SREBF2: variants seen among roughly 807,000 people sequenced by gnomAD.
SREBF2 encodes sterol regulatory element-binding protein 2.
In SREBF2, 55 loss-of-function variants were observed where a neutral mutation model predicts 113.1. That is an observed-to-expected ratio of 0.49 (90% CI 0.39 to 0.61). The LOEUF (loss-of-function observed/expected upper bound fraction) is 0.61. SREBF2 is among the 20% of genes least tolerant of loss of function. The probability of loss-of-function intolerance (pLI) is 0.00; values close to 1 mark genes in which losing one functional copy is unlikely to be tolerated. For missense variants in SREBF2, 1,349 were observed against 1,487.4 expected (o/e 0.91, Z 1.53); for synonymous variants, 593 against 605.7 (o/e 0.98, Z 0.31).
At chr22:41,883,001 A>G (rs1167439792) in intron 10 of SREBF2, among the ~76,000 whole-genome samples, 1 of 152,120 alleles carries the variant, frequency 6.6e-6, no homozygotes, top group Non-Finnish European at 1.5e-5. Flanking sequence ...CAGCTACTTG[A>G]GAGGCCAAGG....
intron 15 of SREBF2, chr22:41,899,606 C>G: frequency 1.0e-6 from 1 of 986,562 alleles, no homozygotes; most frequent in Non-Finnish European, 1.2e-6. Context: ...ATGTGACACC[C>G]TAATTTCATT....
In SREBF2 at chr22:41,877,415, G is replaced by C. The variant is rs755036026; in HGVS notation, c.1573G>C (p.Glu525Gln). The C allele has an allele frequency of 6.2e-7, 1 of 1,614,148 alleles. No homozygotes were observed. Among genetic ancestry groups the C allele is most frequent in the Admixed American group, 1.7e-5 (1 of 60,008 alleles). ...SGSGRSVLSF[E>Q]SGSGGWFDWM... ...CTCTGGCCGCAGTGTCCTGTCATTC[G>C]AGTCAGGTAGGTGGAGGCCCCTTGC... The change falls in exon 8 of 19, where the codon GAG (glutamate) becomes CAG (glutamine). Residue 525 changes from glutamate (E) to glutamine (Q), a missense_variant. By Grantham distance (29) the Glu-to-Gln change is conservative. Transcript: ENST00000361204.
chr22:41,885,648 G>T, intron 11 of SREBF2: 3 of 160,946 alleles, frequency 1.9e-5, no homozygotes, highest in South Asian at 1.7e-4. Context: ...CCCGGTCCTT[G>T]TTATCAGCTA....
chr22:41,900,811 C>G lies in SREBF2; in HGVS notation c.2907+313C>G, dbSNP rs1051470914. 1.1e-5 allele frequency: 6 copies of G among 525,378 alleles called. No individual in the cohort carries two copies. In the East Asian group the frequency reaches 2.3e-4, roughly 20 times the overall value. 32.5% of individuals were successfully genotyped at this position (525,378 alleles called of 1,614,324 possible). On this transcript the variant is annotated intron_variant, in intron 16 of 18. Transcript: ENST00000361204. Reference sequence around the variant, plus strand: ...GGCCAGGGGTTCACCTGCATTTGCTCCAGCGGTTTGCGTGACTTCCCAGGC... The same window carrying G: ...GGCCAGGGGTTCACCTGCATTTGCTGCAGCGGTTTGCGTGACTTCCCAGGC...
chr22:41,894,735 G>A (rs1031446090), intron 12 of SREBF2, 85 bp from the exon 13 acceptor site: 83 of 1,128,860 alleles, frequency 7.4e-5, no homozygotes, highest in Non-Finnish European at 1.1e-4. Context: ...ACAAGGCATG[G>A]CTGTGTTTGG....
At chr22:41,894,986 C>T in intron 13 of SREBF2, 49 bp downstream of exon 13, 1 of 1,492,570 alleles carries the variant, frequency 6.7e-7, no homozygotes, top group Non-Finnish European at 9.3e-7. Flanking sequence ...TCCACGCAGG[C>T]AACTCCAGGA....
At chr22:41,836,778 G>A (rs1295059162) in intron 1 of SREBF2, among the ~76,000 whole-genome samples, 1 of 152,206 alleles carries the variant, frequency 6.6e-6, no homozygotes, top group Non-Finnish European at 1.5e-5. Flanking sequence ...CCGGTCAGGT[G>A]AGGAAGGGGA....
chr22:41,899,236 G>T (rs928577312), intron 15 of SREBF2: 2 of 1,079,550 alleles, frequency 1.9e-6, no homozygotes, highest in Non-Finnish European at 2.3e-6. Context: ...TTTCCTTCCA[G>T]CCACCTCCAC....
In SREBF2 at chr22:41,870,923, C is replaced by A; in HGVS notation, c.755C>A (p.Ser252Tyr). ...LVQPQIIKTDSLVLTTLKTDG... is the reference protein window; with the variant it reads ...LVQPQIIKTDYLVLTTLKTDG... ...CAGCCTCAGATCATCAAGACAGATTCCCTTGTTTTGACCACACTGAAGACA... is the reference window on the plus strand; with the variant it reads ...CAGCCTCAGATCATCAAGACAGATTACCTTGTTTTGACCACACTGAAGACA... Residue 252 changes from serine (S) to tyrosine (Y), a missense_variant, in exon 4 of 19, where the codon TCC becomes TAC. Physicochemically the swap from Ser to Tyr is moderately radical, Grantham distance 144. Around this residue, in one of 2 missense-constraint regions of SREBF2, gnomAD observed 699 missense variants for 843.3 expected, o/e 0.83. Coordinates refer to ENST00000361204, the MANE Select transcript of SREBF2 (RefSeq NM_004599.4). The A allele has an allele frequency of 6.2e-7, 1 of 1,614,106 alleles. No individual in the cohort carries two copies. The highest frequency in any genetic ancestry group is 8.5e-7 in the Non-Finnish European group (1 of 1,180,026).
At chr22:41,900,904 G>A in intron 16 of SREBF2, 1 of 531,548 alleles carries the variant, frequency 1.9e-6, no homozygotes, top group Non-Finnish European at 3.8e-6. Flanking sequence ...AGACCACCCT[G>A]GGCACCTCCT....
intron 1 of SREBF2, among the ~76,000 whole-genome samples, chr22:41,858,940 G>T (rs924030659): frequency 1.3e-5 from 2 of 151,974 alleles, no homozygotes; most frequent in African/African-American, 4.8e-5. Flanking sequence ...TCAGGGGTTC[G>T]AGACCAGCCT....
chr22:41,867,532 C>T (rs973516947), intron 2 of SREBF2, among the ~76,000 whole-genome samples: 19 of 152,004 alleles, frequency 1.2e-4, no homozygotes, highest in Non-Finnish European at 2.6e-4. Context: ...AGCGGCCGGG[C>T]GCGGTGGCTC....
intron 12 of SREBF2, 41 bp from the exon 13 acceptor site, chr22:41,894,779 A>C: frequency 6.4e-7 from 1 of 1,560,546 alleles, no homozygotes; most frequent in South Asian, 1.1e-5. Context: ...TGGGCTCATA[A>C]ATGAGCTCCA....
intron 14 of SREBF2, among the ~76,000 whole-genome samples, chr22:41,898,271 G>GC (rs542096200): frequency 9.2e-5 from 14 of 152,150 alleles, no homozygotes; most frequent in Admixed American, 9.2e-4. Flanking sequence ...CCGCCACCAT[G>GC]CCCAGCTAAT....
chr22:41,880,971 C>T lies in SREBF2; in HGVS notation c.2017C>T (p.Leu673=). 3 of 1,608,464 alleles carry T rather than the reference C, an allele frequency of 1.9e-6. No individual in the cohort carries two copies. Among genetic ancestry groups the T allele is most frequent in the Non-Finnish European group, 2.5e-6 (3 of 1,179,926 alleles). Residue 673 remains leucine (L), a synonymous_variant, in exon 10 of 19, where the codon CTG becomes TTG. Transcript: ENST00000361204. ...GGATGCGGCTCTGGCCTATCACCGG[C>T]TGCACCAGCTGCACATCACAGGTGA... ...ARDAALAYHR[L]HQLHITGKLP... is the part of the protein sequence containing the mutation.
intron 1 of SREBF2, among the ~76,000 whole-genome samples, chr22:41,852,279 T>C (rs1354297129): frequency 6.6e-6 from 1 of 152,114 alleles, no homozygotes; most frequent in Admixed American, 6.6e-5. Flanking sequence ...TGTATTGATA[T>C]ATATCCATCA....
At chr22:41,875,871 C>G (rs2077193215) in intron 7 of SREBF2, 147 bp downstream of exon 7, 2 of 968,576 alleles carry the variant, frequency 2.1e-6, no homozygotes, top group Admixed American at 2.2e-5. Context: ...TTAGCCAGGT[C>G]CTGGAGAATA....
At chr22:41,839,323 G>A (rs1028518961) in intron 1 of SREBF2, among the ~76,000 whole-genome samples, 9 of 152,130 alleles carry the variant, frequency 5.9e-5, no homozygotes, top group African/African-American at 2.2e-4. Flanking sequence ...GGTAAAACTG[G>A]GATGGAGATT....
At chr22:41,869,856 T>G (rs1333357994) in intron 3 of SREBF2, among the ~76,000 whole-genome samples, 2 of 148,312 alleles carry the variant, frequency 1.3e-5, no homozygotes, top group Non-Finnish European at 3.0e-5. Flanking sequence ...CTATATCCTC[T>G]TTTTTCTTTT....
Sources: gnomAD v4.1 joint callset for allele counts (sites outside exome capture counted in the v4.1 genomes callset) on GRCh38, gnomAD v4.1.1 for gene constraint, gnomAD v4.1.1 regional missense constraint, MANE v1.5 for transcripts, NCBI Gene and HGNC (gene_info 2026-07-23, HGNC 2026-07-21) for gene names.